The following DYNC1I1 variants were observed in gnomAD, a reference collection of about 807,000 sequenced individuals.
DYNC1I1 encodes the protein cytoplasmic dynein 1 intermediate chain 1.
Under a neutral mutation model 86.6 loss-of-function variants are expected in DYNC1I1, and 43 were observed. The ratio of observed to expected loss-of-function variants is 0.50; its 90% CI spans 0.39 to 0.64. The LOEUF (loss-of-function observed/expected upper bound fraction) is 0.64. Ranked by LOEUF, DYNC1I1 falls within the 30% of genes least tolerant of loss-of-function variation. The pLI is 0.00. For missense variants in DYNC1I1, 604 were observed against 788.8 expected, an observed-to-expected ratio of 0.77 and a Z score of 2.81; for synonymous variants, 262 against 283.7, an observed-to-expected ratio of 0.92 and a Z score of 0.77.
intron 4 of DYNC1I1, chr7:95,818,733 A>G (rs1795007182): frequency 1.2e-5 from 5 of 423,426 alleles, no homozygotes; most frequent in Non-Finnish European, 8.4e-6. Flanking sequence ...AAATAAAAAC[A>G]TCATGTTTCC....
chr7:95,989,074 T>C (rs912584516), intron 9 of DYNC1I1, among the ~76,000 whole-genome samples: 2 of 152,210 alleles, frequency 1.3e-5, no homozygotes, highest in African/African-American at 4.8e-5. Flanking sequence ...ATGGGGCAGA[T>C]AGCAAGTGCT....
intron 5 of DYNC1I1, among the ~76,000 whole-genome samples, chr7:95,847,991 T>A (rs1447144045): frequency 6.6e-6 from 1 of 152,210 alleles, no homozygotes; most frequent in African/African-American, 2.4e-5. Context: ...CTTTATTTTT[T>A]AATTTACAAA....
rs77678235 is a variant in DYNC1I1 at position 95,946,478 on chromosome 7, C to A, written c.491-31034C>A. Among the ~76,000 whole-genome samples, 1,088 of 152,246 alleles carry A rather than the reference C, an allele frequency of 7.1e-3. 33 individuals are homozygous for A. The highest frequency in any genetic ancestry group is 0.035 in the Admixed American group (532 of 15,290). ...ATATAACTAAACTCTAAAAATGCCA[C>A]CTCCTCCACAAAAATCTTCATCAGC... is the stretch of plus-strand genomic sequence containing the variant. On this transcript the variant is annotated intron_variant, in intron 6 of 16. Coordinates refer to ENST00000447467, the MANE Select transcript of DYNC1I1 (RefSeq NM_001135556.2).
rs1792343539 is a variant in DYNC1I1, at chr7:95,944,665, A to C, written c.491-32847A>C. Among the ~76,000 whole-genome samples the C allele has an allele frequency of 3.9e-5, 6 of 152,300 alleles. No individual in the cohort carries two copies. In the South Asian group the frequency reaches 1.2e-3, roughly 32 times the overall value. On this transcript the variant is annotated intron_variant, in intron 6 of 16. Transcript: ENST00000447467. ...ATAGACTGGATTAAGAAAATGTGGT[A>C]CATATACACCATGGAATACTATGCA...
intron 15 of DYNC1I1, among the ~76,000 whole-genome samples, chr7:96,078,623 C>T (rs747875104): frequency 6.6e-6 from 1 of 151,998 alleles, no homozygotes; most frequent in Non-Finnish European, 1.5e-5. Context: ...AAATGTGTCA[C>T]AATGTCAGTT....
intron 14 of DYNC1I1, among the ~76,000 whole-genome samples, chr7:96,065,324 C>T (rs1048923736): frequency 6.6e-6 from 1 of 151,804 alleles, no homozygotes; most frequent in African/African-American, 2.4e-5. Context: ...AAAATTTCCT[C>T]CATAGTCCTC....
At chr7:96,085,322 G>T (rs1790646554) in intron 16 of DYNC1I1, among the ~76,000 whole-genome samples, 2 of 152,106 alleles carry the variant, frequency 1.3e-5, no homozygotes, top group Non-Finnish European at 2.9e-5. Context: ...ACAGGATTGT[G>T]TATGAGCTCA....
intron 1 of DYNC1I1, among the ~76,000 whole-genome samples, chr7:95,779,188 C>T (rs1296161244): frequency 6.6e-6 from 1 of 152,170 alleles, no homozygotes; most frequent in Non-Finnish European, 1.5e-5. Flanking sequence ...AATTATGAAA[C>T]TCTGCTTTAG....
chr7:96,084,613 G>A (rs1378319102), intron 16 of DYNC1I1, among the ~76,000 whole-genome samples: 2 of 151,944 alleles, frequency 1.3e-5, no homozygotes, highest in African/African-American at 2.4e-5. Flanking sequence ...AGTAGAGACA[G>A]GATTTCGCCA....
intron 6 of DYNC1I1, among the ~76,000 whole-genome samples, chr7:95,944,562 G>A (rs373110993): frequency 6.6e-6 from 1 of 152,124 alleles, no homozygotes; most frequent in African/African-American, 2.4e-5. Context: ...CTGCTATAAA[G>A]ACACATGCAC....
At chr7:96,042,932 C>T (rs1382250991) in intron 14 of DYNC1I1, among the ~76,000 whole-genome samples, 5 of 152,018 alleles carry the variant, frequency 3.3e-5, no homozygotes, top group East Asian at 3.9e-4. Context: ...GAGGCTGAGG[C>T]GGGTGGATCA....
intron 10 of DYNC1I1, among the ~76,000 whole-genome samples, chr7:96,005,194 G>A (rs977638148): frequency 5.3e-5 from 8 of 151,964 alleles, no homozygotes; most frequent in Non-Finnish European, 7.4e-5. Context: ...TTACAGAGAC[G>A]GCATGAAAAA....
intron 10 of DYNC1I1, among the ~76,000 whole-genome samples, chr7:96,026,235 A>C (rs922367216): frequency 6.6e-6 from 1 of 152,208 alleles, no homozygotes; most frequent in African/African-American, 2.4e-5. Context: ...AAAATCATTC[A>C]AAGTAGGGAA....
Position 95,785,427 on chromosome 7 carries a change from A to G in DYNC1I1, c.-10+12654A>G, listed in dbSNP as rs1162234355. On this transcript the variant is annotated intron_variant, in intron 1 of 16. Transcript: ENST00000447467. ...AGACTCTATCTCAAACAAACAAACA[A>G]ACAAGCAAAAACCAAGAAATGTTGC... 5.3e-5 allele frequency among the ~76,000 whole-genome samples: 8 copies of G among 152,186 alleles called. No individual in the cohort carries two copies. The East Asian group carries it at 1.5e-3, about 29-fold the overall frequency.
At chr7:95,886,002 G>T (rs1790582721) in intron 6 of DYNC1I1, among the ~76,000 whole-genome samples, 1 of 152,150 alleles carries the variant, frequency 6.6e-6, no homozygotes, top group African/African-American at 2.4e-5. Flanking sequence ...TAAGATCTGG[G>T]TAACACTGTT....
intron 10 of DYNC1I1, among the ~76,000 whole-genome samples, chr7:96,014,897 A>C (rs1453462158): frequency 6.6e-6 from 1 of 152,152 alleles, no homozygotes; most frequent in East Asian, 1.9e-4. Context: ...GGCAGGATGG[A>C]GTTCATTAGC....
chr7:95,775,432 C>T (rs1793816420), intron 1 of DYNC1I1, among the ~76,000 whole-genome samples: 1 of 152,178 alleles, frequency 6.6e-6, no homozygotes. Flanking sequence ...AGGTAGGATT[C>T]AAATGAGATC....
chr7:96,080,982 A>T (rs578012989), intron 16 of DYNC1I1, among the ~76,000 whole-genome samples: 1 of 151,296 alleles, frequency 6.6e-6, no homozygotes, highest in East Asian at 1.9e-4. Flanking sequence ...AGGCAGGAGA[A>T]CCACTTGAAT....
chr7:96,095,070 G>A (rs1455412767), intron 16 of DYNC1I1, among the ~76,000 whole-genome samples: 1 of 152,118 alleles, frequency 6.6e-6, no homozygotes, highest in Non-Finnish European at 1.5e-5. Context: ...TAGTATTACA[G>A]CACTATTACT....
Sources: gnomAD v4.1 joint callset for allele counts (sites outside exome capture counted in the v4.1 genomes callset) on GRCh38, gnomAD v4.1.1 for gene constraint, MANE v1.5 for transcripts, NCBI Gene and HGNC (gene_info 2026-07-23, HGNC 2026-07-21) for gene names.